Variants in KYAT3 observed in about 807,000 individuals in gnomAD.
KYAT3 encodes kynurenine aminotransferase 3, also known as kynurenine--oxoglutarate transaminase 3.
A neutral mutation model predicts 59.0 loss-of-function variants in KYAT3; 50 were observed. The observed-to-expected ratio is 0.85, with a 90% CI of 0.68 to 1.07. KYAT3 has a LOEUF of 1.07. KYAT3 is among the 50% of genes least tolerant of loss of function. KYAT3 has a pLI of 0.00. For synonymous variants in KYAT3, 148 were observed against 177.0 expected (o/e 0.84, Z 1.30); for missense variants, 497 against 533.3 (o/e 0.93, Z 0.67).
At chr1:88,953,905 CT>C (rs35781634) in intron 9 of KYAT3, among the ~76,000 whole-genome samples, 59,343 of 141,002 alleles carry the variant, frequency 0.42, 12,221 homozygotes, top group Non-Finnish European at 0.48. Flanking sequence ...TCTTCTTCTT[CT>C]TTTTTTTTTT....
chr1:88,963,270 T>A (rs990056881), intron 5 of KYAT3, among the ~76,000 whole-genome samples: 3 of 152,112 alleles, frequency 2.0e-5, no homozygotes, highest in African/African-American at 7.2e-5. Flanking sequence ...AGCCTTATAA[T>A]ACTCCCAACA....
chr1:88,942,615 T>C (rs1415926710), intron 13 of KYAT3, among the ~76,000 whole-genome samples: 2 of 152,148 alleles, frequency 1.3e-5, no homozygotes, highest in Admixed American at 6.6e-5. Context: ...CAGGCTGGAG[T>C]GCAGTGGTGC....
chr1:88,969,384 T>G, intron 3 of KYAT3, 25 bp downstream of exon 3: 2 of 1,411,034 alleles, frequency 1.4e-6, no homozygotes, highest in Non-Finnish European at 2.0e-6. Context: ...CCTCACTAAA[T>G]TATTATTTAT....
intron 2 of KYAT3, among the ~76,000 whole-genome samples, chr1:88,986,770 A>G (rs1296248163): frequency 1.3e-5 from 2 of 152,222 alleles, no homozygotes; most frequent in Non-Finnish European, 2.9e-5. Context: ...GTAAGTTCAC[A>G]GTAACTTATC....
chr1:88,922,773 A>T, the KYAT3 span, among the ~76,000 whole-genome samples: 1 of 152,138 alleles, frequency 6.6e-6, no homozygotes, highest in African/African-American at 2.4e-5. Context: ...CCTTCTTCCA[A>T]CCAATGTAGT....
chr1:88,942,871 T>C, intron 13 of KYAT3, 134 bp downstream of exon 13: 1 of 695,102 alleles, frequency 1.4e-6, no homozygotes, highest in Non-Finnish European at 2.5e-6. Flanking sequence ...CAGTAAGCAG[T>C]TAATTTTAAA....
rs1675573975 is a variant in KYAT3 at position 88,949,199 on chromosome 1, C to T, written c.1033G>A (p.Glu345Lys). 6.2e-7 allele frequency: 1 copy of T among 1,610,364 alleles called. No homozygotes were observed. Among genetic ancestry groups the T allele is most frequent in the Non-Finnish European group, 8.5e-7 (1 of 1,178,768 alleles). ...PECYFNSLPK[E>K]LEVKRDRMVR... ...ATCCGATCTCTTTTTACTTCTAACT[C>T]TTTTGGCAAAGAATTAAAGTAACAT... The change falls in exon 11 of 14, where the codon GAG becomes AAG. Residue 345 changes from glutamate (E) to lysine (K), a missense_variant. By Grantham distance (56) the Glu-to-Lys change is moderately conservative. Transcript: ENST00000260508.
At chr1:88,962,031 G>A in intron 6 of KYAT3, 28 bp downstream of exon 6, 2 of 1,517,100 alleles carry the variant, frequency 1.3e-6, no homozygotes, top group Admixed American at 3.3e-5. Flanking sequence ...TTGAAACTTT[G>A]CCATATGAAC....
the KYAT3 span, among the ~76,000 whole-genome samples, chr1:88,928,340 G>T: frequency 1.3e-5 from 2 of 151,918 alleles, no homozygotes; most frequent in South Asian, 2.1e-4. Context: ...GGCAACGTTG[G>T]TTTTTTATAA....
chr1:88,965,521 G>A (rs1676315354), intron 4 of KYAT3, among the ~76,000 whole-genome samples: 1 of 152,318 alleles, frequency 6.6e-6, no homozygotes, highest in South Asian at 2.1e-4. Flanking sequence ...ACAGTCAAGA[G>A]AGCAGTGGTT....
intron 2 of KYAT3, among the ~76,000 whole-genome samples, chr1:88,978,443 T>C (rs1343695615): frequency 6.6e-5 from 10 of 151,878 alleles, no homozygotes; most frequent in Admixed American, 5.9e-4. Context: ...GCTAAGGTGA[T>C]CTCCACCTCA....
intron 11 of KYAT3, among the ~76,000 whole-genome samples, chr1:88,948,140 C>CA (rs200348743): frequency 5.5e-5 from 8 of 145,600 alleles, no homozygotes; most frequent in African/African-American, 2.0e-4. Flanking sequence ...CAAAACAAAA[C>CA]AAACTCCTAT....
the KYAT3 span, among the ~76,000 whole-genome samples, chr1:88,921,351 C>G: frequency 1.3e-5 from 2 of 152,142 alleles, no homozygotes; most frequent in African/African-American, 4.8e-5. Flanking sequence ...TGACTAGTTG[C>G]AAAGGAACTG....
chr1:88,978,757 T>C (rs1036819931), intron 2 of KYAT3, among the ~76,000 whole-genome samples: 1 of 151,932 alleles, frequency 6.6e-6, no homozygotes, highest in Non-Finnish European at 1.5e-5. Context: ...GTGATCCTCC[T>C]GTCTTGGCCT....
intron 4 of KYAT3, among the ~76,000 whole-genome samples, chr1:88,967,943 T>A (rs1159030666): frequency 2.0e-5 from 3 of 151,938 alleles, no homozygotes; most frequent in Non-Finnish European, 4.4e-5. Flanking sequence ...GAGATGGGGG[T>A]CTGTAGGGTG....
At chr1:88,962,197 A>G in intron 5 of KYAT3, 52 bp from the exon 6 acceptor site, 3 of 1,282,386 alleles carry the variant, frequency 2.3e-6, no homozygotes, top group Middle Eastern at 1.8e-4. Context: ...ATTCATGTTA[A>G]TAATACTGTG....
intron 2 of KYAT3, 93 bp downstream of exon 2, chr1:88,988,159 A>G (rs991876622): frequency 1.2e-5 from 9 of 767,750 alleles, no homozygotes; most frequent in Non-Finnish European, 1.7e-5. Flanking sequence ...TCATTTCAAT[A>G]AAGTATTTGT....
intron 8 of KYAT3, among the ~76,000 whole-genome samples, chr1:88,956,384 T>C (rs1183711296): frequency 6.6e-6 from 1 of 152,202 alleles, no homozygotes; most frequent in Non-Finnish European, 1.5e-5. Context: ...ATTGGCTGTA[T>C]AATGGTTTTC....
intron 13 of KYAT3, among the ~76,000 whole-genome samples, 178 bp from the exon 14 acceptor site, chr1:88,936,423 G>A (rs1242800099): frequency 6.6e-6 from 1 of 152,134 alleles, no homozygotes; most frequent in Non-Finnish European, 1.5e-5. Context: ...TTAACCAAAT[G>A]AATTATAATT....
Sources: allele counts gnomAD v4.1 joint callset (sites outside exome capture counted in the v4.1 genomes callset), GRCh38; gene constraint gnomAD v4.1.1; transcripts MANE v1.5; gene names NCBI Gene and HGNC (gene_info 2026-07-23, HGNC 2026-07-21).